BCHE: variants seen among roughly 807,000 people sequenced by gnomAD.
BCHE encodes the protein butyrylcholinesterase.
In BCHE, 48 loss-of-function variants were observed where a neutral mutation model predicts 51.3. That is an observed-to-expected ratio of 0.94 (90% CI 0.74 to 1.19). The LOEUF is 1.19. Among genes scored for constraint, BCHE ranks in the 50% most tolerant of loss-of-function variants. The probability of loss-of-function intolerance (pLI) is 0.00; values close to 1 mark genes in which losing one functional copy is unlikely to be tolerated. For missense variants in BCHE, 847 were observed against 708.2 expected, an observed-to-expected ratio of 1.20 and a Z score of -2.23; for synonymous variants, 251 against 238.0, an observed-to-expected ratio of 1.05 and a Z score of -0.50.
intron 1 of BCHE, among the ~76,000 whole-genome samples, chr3:165,831,632 T>C (rs558078311): frequency 7.0e-4 from 107 of 152,312 alleles, no homozygotes; most frequent in African/African-American, 2.3e-3. Flanking sequence ...GAAGAGAATT[T>C]AGACAATTTA....
intron 3 of BCHE, chr3:165,778,254 G>C (rs573324561): frequency 6.5e-6 from 1 of 152,752 alleles, no homozygotes; most frequent in Admixed American, 6.5e-5. Flanking sequence ...ATAAATATAA[G>C]AGAAGTGAAT....
chr3:165,830,618 A>G lies in BCHE; in HGVS notation c.416T>C (p.Ile139Thr). ...TTGAAAACCACCACCATAAATCCATATCAATACAGTGGCATTTTTTGGTTT... is the reference window on the plus strand; with the variant it reads ...TTGAAAACCACCACCATAAATCCATGTCAATACAGTGGCATTTTTTGGTTT... ...APKPKNATVL[I>T]WIYGGGFQTG... Residue 139 changes from isoleucine (I) to threonine (T), a missense_variant, in exon 2 of 4, where the codon ATA (isoleucine) becomes ACA (threonine). Coordinates refer to ENST00000264381, the MANE Select transcript of BCHE (RefSeq NM_000055.4). 1 of 1,613,974 alleles carries G rather than the reference A, an allele frequency of 6.2e-7. No individual in the cohort carries two copies. The highest frequency in any genetic ancestry group is 2.2e-5 in the East Asian group (1 of 44,864).
chr3:165,787,268 C>CA (rs1273327087), intron 2 of BCHE, among the ~76,000 whole-genome samples: 2 of 151,244 alleles, frequency 1.3e-5, no homozygotes, highest in Non-Finnish European at 3.0e-5. Flanking sequence ...AACAGGAACT[C>CA]AGAGATTTTT....
chr3:165,789,692 A>T (rs766818608), intron 2 of BCHE, among the ~76,000 whole-genome samples: 11 of 152,156 alleles, frequency 7.2e-5, no homozygotes, highest in Non-Finnish European at 1.5e-4. Context: ...AAGAGGTTTG[A>T]GGAAAATATA....
intron 2 of BCHE, among the ~76,000 whole-genome samples, chr3:165,804,599 T>C (rs756675722): frequency 1.3e-5 from 2 of 152,084 alleles, no homozygotes; most frequent in Non-Finnish European, 2.9e-5. Context: ...AGTTAATTGA[T>C]TTTGCGATCT....
chr3:165,815,907 C>T (rs1576860876), intron 2 of BCHE, among the ~76,000 whole-genome samples: 1 of 151,960 alleles, frequency 6.6e-6, no homozygotes, highest in East Asian at 1.9e-4. Context: ...AAGTTATTTT[C>T]CCCCGCTTTC....
chr3:165,811,502 G>A (rs1320251618), intron 2 of BCHE, among the ~76,000 whole-genome samples: 1 of 151,930 alleles, frequency 6.6e-6, no homozygotes, highest in Non-Finnish European at 1.5e-5. Context: ...ACATAAGGGA[G>A]GTTTTGCATG....
intron 2 of BCHE, among the ~76,000 whole-genome samples, chr3:165,796,072 CTT>C (rs777151778): frequency 1.1e-4 from 16 of 152,078 alleles, no homozygotes; most frequent in Non-Finnish European, 1.2e-4. Context: ...AAAAAGAAGA[CTT>C]ATTTTCATCC....
intron 2 of BCHE, among the ~76,000 whole-genome samples, chr3:165,815,261 A>T (rs1403613921): frequency 7.5e-6 from 1 of 133,054 alleles, no homozygotes; most frequent in East Asian, 2.3e-4. Flanking sequence ...AAAAAAAAAA[A>T]ATAAGGGCAA....
At chr3:165,835,427 T>C (rs1220109204) in intron 1 of BCHE, among the ~76,000 whole-genome samples, 1 of 151,830 alleles carries the variant, frequency 6.6e-6, no homozygotes, top group Non-Finnish European at 1.5e-5. Context: ...CTGTGTATAA[T>C]TTCCCTATCT....
chr3:165,809,854 A>G (rs1273598532), intron 2 of BCHE, among the ~76,000 whole-genome samples: 1 of 152,118 alleles, frequency 6.6e-6, no homozygotes, highest in Non-Finnish European at 1.5e-5. Context: ...TCATTGTCTT[A>G]GTTAAATTTC....
chr3:165,775,372 T>C (rs923652507), intron 3 of BCHE, among the ~76,000 whole-genome samples: 4 of 151,850 alleles, frequency 2.6e-5, no homozygotes, highest in Admixed American at 2.6e-4. Context: ...TCACAATTTT[T>C]TGGTGAATAA....
chr3:165,802,048 T>C (rs1713670001), intron 2 of BCHE, among the ~76,000 whole-genome samples: 1 of 152,186 alleles, frequency 6.6e-6, no homozygotes, highest in Non-Finnish European at 1.5e-5. Context: ...GTAATTTCAT[T>C]AATGTCCCCA....
At chr3:165,776,131 T>G (rs1712462683) in intron 3 of BCHE, among the ~76,000 whole-genome samples, 1 of 151,962 alleles carries the variant, frequency 6.6e-6, no homozygotes, top group Non-Finnish European at 1.5e-5. Context: ...TTAAACTTGA[T>G]TAGCAAATTT....
At position 165,837,385 on chromosome 3, in the gene BCHE, G is replaced by A; in HGVS notation, c.-80C>T. 7.8e-7 allele frequency: 1 copy of A among 1,289,758 alleles called. No homozygotes were observed. The highest frequency in any genetic ancestry group is 1.0e-6 in the Non-Finnish European group (1 of 988,842). 79.9% of individuals were successfully genotyped at this position (1,289,758 alleles called of 1,614,324 possible). On this transcript the variant is annotated 5_prime_UTR_variant, in exon 1 of 4. Transcript: ENST00000264381. ...CATGTAATACTTCGGGGAAATGCAG[G>A]ATGCAGCTGCTGCTCCAGCCTGTAA... is the stretch of plus-strand genomic sequence containing the variant.
chr3:165,790,256 C>T (rs745724156), intron 2 of BCHE, among the ~76,000 whole-genome samples: 1 of 152,030 alleles, frequency 6.6e-6, no homozygotes, highest in South Asian at 2.1e-4. Context: ...ATCGATCATG[C>T]CTAAATATAG....
In BCHE at chr3:165,830,294, C is replaced by G. The variant is rs754253344; in HGVS notation, c.740G>C (p.Arg247Thr). 5.9e-5 allele frequency: 95 copies of G among 1,613,896 alleles called. No homozygotes were observed. The highest frequency in any genetic ancestry group is 7.3e-5 in the Non-Finnish European group (86 of 1,179,960). ...LSPGSHSLFT[R>T]AILQSGSFNA... ...AAAGGATCCACTTTGCAGAATGGCT[C>G]TGGTGAACAATGAATGGCTTCCAGG... The change falls in exon 2 of 4, where the codon AGA (arginine) becomes ACA (threonine). Residue 247 changes from arginine (R) to threonine (T), a missense_variant. Transcript: ENST00000264381.
intron 2 of BCHE, among the ~76,000 whole-genome samples, chr3:165,812,958 A>G (rs1446836936): frequency 1.3e-5 from 2 of 151,864 alleles, no homozygotes; most frequent in Admixed American, 6.6e-5. Context: ...AGCTACTATA[A>G]ATGTTCAATA....
chr3:165,795,005 G>GAA (rs145718053), intron 2 of BCHE, among the ~76,000 whole-genome samples: 2 of 151,780 alleles, frequency 1.3e-5, no homozygotes, highest in African/African-American at 4.8e-5. Context: ...AATATACACT[G>GAA]AAAAAAATGG....
Sources: gnomAD v4.1 joint callset for allele counts (sites outside exome capture counted in the v4.1 genomes callset) on GRCh38, gnomAD v4.1.1 for gene constraint, MANE v1.5 for transcripts, NCBI Gene and HGNC (gene_info 2026-07-23, HGNC 2026-07-21) for gene names.